The following PCDHGA4 variants were observed in gnomAD, a reference collection of about 807,000 sequenced individuals.
PCDHGA4 encodes protocadherin gamma subfamily A, 4.
In PCDHGA4, 38 loss-of-function variants were observed where a neutral mutation model predicts 54.6. The observed-to-expected ratio is 0.70, with a 90% CI of 0.54 to 0.91. The LOEUF (loss-of-function observed/expected upper bound fraction) is 0.91. Among genes scored for constraint, PCDHGA4 ranks in the 40% least tolerant of loss-of-function variants. PCDHGA4 has a pLI of 0.00. For missense variants in PCDHGA4, 1,298 were observed against 1,220.9 expected (o/e 1.06, Z -0.94); for synonymous variants, 511 against 512.9 (o/e 1.00, Z 0.05).
intron 1 of PCDHGA4, among the ~76,000 whole-genome samples, chr5:141,446,571 G>C (rs1460375061): frequency 2.0e-5 from 3 of 152,058 alleles, no homozygotes; most frequent in African/African-American, 7.2e-5. Flanking sequence ...CTGCCTCCCA[G>C]GTTCAAGTGA....
chr5:141,371,080 G>C (rs1409150939), intron 1 of PCDHGA4: 1 of 1,613,876 alleles, frequency 6.2e-7, no homozygotes, highest in East Asian at 2.2e-5. Context: ...ACCCAGATCA[G>C]GGTAATTGTC....
intron 1 of PCDHGA4, chr5:141,427,871 GA>G: frequency 6.4e-7 from 1 of 1,559,532 alleles, no homozygotes; most frequent in Non-Finnish European, 8.8e-7. Context: ...TCGAGCTCAC[GA>G]TGCAGGCCCA....
At chr5:141,374,945 A>T (rs779694385) in intron 1 of PCDHGA4, 1 of 1,614,034 alleles carries the variant, frequency 6.2e-7, no homozygotes, top group Non-Finnish European at 8.5e-7. Context: ...TACAGAAAAG[A>T]TCTCACAAAT....
chr5:141,439,636 G>A (rs114401133), intron 1 of PCDHGA4, among the ~76,000 whole-genome samples: 27 of 152,206 alleles, frequency 1.8e-4, no homozygotes, highest in Non-Finnish European at 2.9e-4. Context: ...CAGACATTCC[G>A]GCTTGGTGGC....
At position 141,486,055 on chromosome 5, in the gene PCDHGA4, C is replaced by T; in HGVS notation, c.2515-8752C>T. 6.2e-7 allele frequency: 1 copy of T among 1,614,170 alleles called. No individual in the cohort carries two copies. ...CTGATCGTGTAAGAAACCTCTTTAG[C>T]CTGCACCCCACTACTGGAAAGCTTA... On this transcript the variant is annotated intron_variant, in intron 1 of 3. Transcript: ENST00000571252. The surrounding 1 kb of genome is among the most constrained non-coding windows in gnomAD (Gnocchi z 5.0).
chr5:141,511,793 G>A lies in PCDHGA4; in HGVS notation c.*620G>A, dbSNP rs2099883948. The stretch of plus-strand genomic sequence containing the variant: ...TACTGATGCTTGCTGGATTTAGGGA[G>A]GGCATTTTGCTACCAAGCCTCTTCC... On this transcript the variant is annotated 3_prime_UTR_variant, in exon 4 of 4. Coordinates refer to ENST00000571252, the MANE Select transcript of PCDHGA4 (RefSeq NM_018917.4). 6.4e-6 allele frequency: 1 copy of A among 157,066 alleles called. No homozygotes were observed. The highest frequency in any genetic ancestry group is 2.4e-5 in the African/African-American group (1 of 41,492). 9.7% of individuals were successfully genotyped at this position (157,066 alleles called of 1,614,324 possible). A position where few individuals can be genotyped will look rare whatever the true frequency, so the allele number is the denominator to read the frequency against.
chr5:141,404,002 A>T, intron 1 of PCDHGA4: 1 of 1,613,928 alleles, frequency 6.2e-7, no homozygotes, highest in Non-Finnish European at 8.5e-7. Flanking sequence ...TGACCATTAC[A>T]TCTCTGTTTA....
At chr5:141,360,893 A>G in intron 1 of PCDHGA4, 1 of 1,614,046 alleles carries the variant, frequency 6.2e-7, no homozygotes, top group Non-Finnish European at 8.5e-7. Flanking sequence ...ACCCTGAGGG[A>G]GGACGTGCCG....
At chr5:141,372,206 G>C in intron 1 of PCDHGA4, 1 of 1,613,590 alleles carries the variant, frequency 6.2e-7, no homozygotes, top group East Asian at 2.2e-5. Flanking sequence ...ACGCCTGGCT[G>C]TCCTACCACA....
chr5:141,356,310 C>A lies in PCDHGA4; in HGVS notation c.1203C>A (p.Asn401Lys), dbSNP rs1396473104. Reference protein sequence around the residue: ...SSPGTVIALFNVHDSDSGGNG... With the variant: ...SSPGTVIALFKVHDSDSGGNG... ...CGGGTACAGTAATTGCACTTTTCAA[C>A]GTGCATGACAGTGACTCAGGAGGAA... Residue 401 changes from asparagine to lysine, a missense_variant, in exon 1 of 4, where the codon AAC (asparagine) becomes AAA (lysine). Transcript: ENST00000571252. 7.7e-6 allele frequency: 12 copies of A among 1,553,978 alleles called. No homozygotes were observed. The highest frequency in any genetic ancestry group is 2.7e-5 in the African/African-American group (2 of 73,252).
intron 1 of PCDHGA4, among the ~76,000 whole-genome samples, chr5:141,459,312 G>A (rs968359414): frequency 6.6e-6 from 1 of 152,084 alleles, no homozygotes; most frequent in African/African-American, 2.4e-5. Flanking sequence ...ATACTATTTT[G>A]TATCCATCTT....
In PCDHGA4 at chr5:141,476,327, G is replaced by A. The variant is rs2099389169; in HGVS notation, c.2515-18480G>A. The A allele has an allele frequency of 1.2e-6, 2 of 1,614,192 alleles. No individual in the cohort carries two copies. Among genetic ancestry groups the A allele is most frequent in the African/African-American group, 1.3e-5 (1 of 75,046 alleles). On this transcript the variant is annotated intron_variant, in intron 1 of 3. Transcript: ENST00000571252. The surrounding 1 kb of genome is among the most constrained non-coding windows in gnomAD (Gnocchi z 7.6). ...AGCCCGCAGGTTCCGGGTGGTGTCT[G>A]GAGCTAGCCGAAGATTCTTTGAGGT...
At chr5:141,400,217 T>A (rs771117256) in intron 1 of PCDHGA4, 1 of 1,613,916 alleles carries the variant, frequency 6.2e-7, no homozygotes, top group Non-Finnish European at 8.5e-7. Flanking sequence ...TTGATCTCAG[T>A]GCTCTTCCTC....
intron 1 of PCDHGA4, among the ~76,000 whole-genome samples, chr5:141,425,059 G>A (rs1056925377): frequency 3.3e-5 from 5 of 152,110 alleles, no homozygotes; most frequent in Non-Finnish European, 7.4e-5. Flanking sequence ...CTAGGGCTCG[G>A]ACAAAAATAA....
chr5:141,469,511 G>A (rs2099203340), intron 1 of PCDHGA4, among the ~76,000 whole-genome samples: 1 of 152,038 alleles, frequency 6.6e-6, no homozygotes, highest in African/African-American at 2.4e-5. Flanking sequence ...GGAGGTGGAG[G>A]TTGCAGTGAG....
intron 1 of PCDHGA4, chr5:141,366,197 A>G (rs1561536841): frequency 6.2e-7 from 1 of 1,613,780 alleles, no homozygotes. Context: ...TGGGCTGCAC[A>G]CGGGCGAGGT....
intron 1 of PCDHGA4, chr5:141,421,468 C>G: frequency 1.2e-6 from 2 of 1,614,096 alleles, no homozygotes; most frequent in Non-Finnish European, 1.7e-6. Flanking sequence ...TGTGAATCCG[C>G]GAAGCGGCAG....
In PCDHGA4 at chr5:141,418,027, T is replaced by C. The variant is rs536104184; in HGVS notation, c.2514+60406T>C. On this transcript the variant is annotated intron_variant, in intron 1 of 3. Coordinates refer to ENST00000571252, the MANE Select transcript of PCDHGA4 (RefSeq NM_018917.4). ...GGAACCTCGCTAAGGATCTAGGGCT[T>C]AGTGTCCTGGATGTGTCGGCTCGCG... is the stretch of plus-strand genomic sequence containing the variant. 144 of 1,613,732 alleles carry C rather than the reference T, an allele frequency of 8.9e-5. No homozygotes were observed. The East Asian group carries it at 1.2e-3, about 14-fold the overall frequency.
At chr5:141,430,911 A>T (rs544678317) in intron 1 of PCDHGA4, 4 of 1,607,840 alleles carry the variant, frequency 2.5e-6, no homozygotes, top group Non-Finnish European at 3.4e-6. Context: ...ATCTCCAGGG[A>T]CCTGGGGCTG....
Sources: allele counts gnomAD v4.1 joint callset (sites outside exome capture counted in the v4.1 genomes callset), GRCh38; gene constraint gnomAD v4.1.1; non-coding constraint Gnocchi (gnomAD v3.1); transcripts MANE v1.5; gene names NCBI Gene and HGNC (gene_info 2026-07-23, HGNC 2026-07-21).